DPYD: variants seen among roughly 807,000 people sequenced by gnomAD.
DPYD encodes dihydropyrimidine dehydrogenase [NADP(+)].
Under a neutral mutation model 116.2 loss-of-function variants are expected in DPYD, and 109 were observed. The observed-to-expected ratio is 0.94, with a 90% CI of 0.80 to 1.10. The LOEUF is 1.10. Among genes scored for constraint, DPYD ranks in the 50% least tolerant of loss-of-function variants. The pLI is 0.00. For synonymous variants in DPYD, 440 were observed against 432.0 expected, an observed-to-expected ratio of 1.02 and a Z score of -0.23; for missense variants, 1,302 against 1,254.5, an observed-to-expected ratio of 1.04 and a Z score of -0.57.
chr1:97,157,470 G>A (rs911800927), intron 20 of DPYD, among the ~76,000 whole-genome samples: 1 of 151,968 alleles, frequency 6.6e-6, no homozygotes, highest in African/African-American at 2.4e-5. Flanking sequence ...AATAAGATGG[G>A]TTTTATTACC....
At chr1:97,382,300 C>G in intron 15 of DPYD, 93 bp downstream of exon 15, 1 of 661,714 alleles carries the variant, frequency 1.5e-6, no homozygotes, top group South Asian at 2.6e-5. Flanking sequence ...AGTTTTACTT[C>G]TACTGTATTA....
chr1:97,694,026 C>T (rs1019816216), intron 6 of DPYD, among the ~76,000 whole-genome samples: 2 of 152,198 alleles, frequency 1.3e-5, no homozygotes, highest in Non-Finnish European at 2.9e-5. Flanking sequence ...GCAGCCACCA[C>T]CCTTGGCAGT....
intron 21 of DPYD, among the ~76,000 whole-genome samples, chr1:97,092,010 A>G (rs756098628): frequency 5.3e-5 from 8 of 152,120 alleles, no homozygotes; most frequent in Non-Finnish European, 1.0e-4. Context: ...TCCCCTGGAT[A>G]CCCACATCAT....
intron 20 of DPYD, among the ~76,000 whole-genome samples, chr1:97,106,963 G>A (rs1651208379): frequency 6.6e-6 from 1 of 152,034 alleles, no homozygotes; most frequent in African/African-American, 2.4e-5. Flanking sequence ...TATATAAGAG[G>A]GAATCTAATA....
intron 14 of DPYD, among the ~76,000 whole-genome samples, chr1:97,410,974 C>T (rs147567028): frequency 4.6e-5 from 7 of 152,122 alleles, no homozygotes; most frequent in Admixed American, 2.0e-4. Flanking sequence ...ACAGATACTA[C>T]GTCAAAGATA....
At chr1:97,549,810 T>G in intron 11 of DPYD, 66 bp from the exon 12 acceptor site, 3 of 1,375,080 alleles carry the variant, frequency 2.2e-6, no homozygotes, top group Non-Finnish European at 3.0e-6. Context: ...ACAATAATTT[T>G]AAAATTAAGA....
In DPYD at chr1:97,323,371, C is replaced by CATGTGTATACGTACACGTATGTATACAT. The variant is rs1668453866; in HGVS notation, c.2059-17075_2059-17074insATGTATACATACGTGTACGTATACACAT. ...ATGTGTATATGTACACGTATGTATACATGTGTATATGTACACGTATGTATA... is the reference window on the plus strand; with the variant it reads ...ATGTGTATATGTACACGTATGTATACATGTGTATACGTACACGTATGTATACATATGTGTATATGTACACGTATGTATA... On this transcript the variant is annotated intron_variant, in intron 16 of 22. Transcript: ENST00000370192. 4.0e-4 allele frequency among the ~76,000 whole-genome samples: 19 copies of CATGTGTATACGTACACGTATGTATACAT among 47,258 alleles called. 3 individuals carry two copies. Among genetic ancestry groups the CATGTGTATACGTACACGTATGTATACAT allele is most frequent in the African/African-American group, 1.8e-3 (19 of 10,542 alleles). The allele number at this position is 47,258 out of a possible 152,430, so 31.0% of individuals were successfully genotyped here. A position where few individuals can be genotyped will look rare whatever the true frequency, so the allele number is the denominator to read the frequency against.
At chr1:97,736,814 T>G (rs1276952330) in intron 4 of DPYD, among the ~76,000 whole-genome samples, 1 of 151,190 alleles carries the variant, frequency 6.6e-6, no homozygotes, top group Non-Finnish European at 1.5e-5. Flanking sequence ...TCTAGGAATA[T>G]AACAGAGATA....
chr1:97,513,735 A>G (rs1647986130), intron 13 of DPYD, among the ~76,000 whole-genome samples: 1 of 151,810 alleles, frequency 6.6e-6, no homozygotes, highest in Non-Finnish European at 1.5e-5. Context: ...GTTGTATACT[A>G]CCAACATTTC....
intron 7 of DPYD, among the ~76,000 whole-genome samples, chr1:97,680,035 C>A (rs1660352444): frequency 6.6e-6 from 1 of 152,072 alleles, no homozygotes; most frequent in Non-Finnish European, 1.5e-5. Context: ...TGGGTACTTA[C>A]AGGGTGAGGT....
intron 20 of DPYD, among the ~76,000 whole-genome samples, chr1:97,116,076 T>A (rs930204623): frequency 2.0e-5 from 3 of 152,130 alleles, no homozygotes; most frequent in African/African-American, 7.2e-5. Flanking sequence ...TTTATTAGAG[T>A]GAGTTCTTTT....
chr1:97,847,335 A>G (rs1670356022), intron 2 of DPYD, among the ~76,000 whole-genome samples: 1 of 152,226 alleles, frequency 6.6e-6, no homozygotes, highest in Non-Finnish European at 1.5e-5. Context: ...CAAACTGAAA[A>G]TAAATGAAAA....
intron 20 of DPYD, among the ~76,000 whole-genome samples, chr1:97,126,284 C>T (rs959251277): frequency 2.0e-5 from 3 of 152,110 alleles, no homozygotes; most frequent in African/African-American, 4.8e-5. Flanking sequence ...TCCCATCCTA[C>T]TTGTTTTTTA....
chr1:97,289,469 C>T (rs560248867), intron 18 of DPYD, among the ~76,000 whole-genome samples: 11 of 152,014 alleles, frequency 7.2e-5, no homozygotes, highest in African/African-American at 1.9e-4. Context: ...TCCAGCAGCA[C>T]ATCAAAAAGC....
At chr1:97,450,008 A>C (rs2101791200) in intron 14 of DPYD, 51 bp downstream of exon 14, 1 of 1,609,006 alleles carries the variant, frequency 6.2e-7, no homozygotes, top group Non-Finnish European at 8.5e-7. Context: ...TTAAATAAAC[A>C]TTCACCAACT....
chr1:97,426,030 T>C (rs1674849760), intron 14 of DPYD, among the ~76,000 whole-genome samples: 1 of 151,850 alleles, frequency 6.6e-6, no homozygotes, highest in African/African-American at 2.4e-5. Context: ...ATGAAAATAA[T>C]TTCATTATTT....
intron 3 of DPYD, among the ~76,000 whole-genome samples, chr1:97,777,496 A>G (rs1198310635): frequency 6.6e-6 from 1 of 152,216 alleles, no homozygotes; most frequent in Non-Finnish European, 1.5e-5. Flanking sequence ...CAGATGATCA[A>G]GTTCAATGTA....
intron 14 of DPYD, among the ~76,000 whole-genome samples, chr1:97,435,210 G>A (rs1675404228): frequency 6.6e-6 from 1 of 151,818 alleles, no homozygotes; most frequent in African/African-American, 2.4e-5. Flanking sequence ...GAAGAAACTG[G>A]TAGAAATATG....
At chr1:97,187,784 C>T (rs1385866843) in intron 20 of DPYD, among the ~76,000 whole-genome samples, 1 of 152,072 alleles carries the variant, frequency 6.6e-6, no homozygotes, top group African/African-American at 2.4e-5. Flanking sequence ...AATTTTTATG[C>T]ATATGGCAAT....
Sources: gnomAD v4.1 joint callset for allele counts (sites outside exome capture counted in the v4.1 genomes callset) on GRCh38, gnomAD v4.1.1 for gene constraint, MANE v1.5 for transcripts, NCBI Gene and HGNC (gene_info 2026-07-23, HGNC 2026-07-21) for gene names.